The following CCDC81 variants were observed in gnomAD, a reference collection of about 807,000 sequenced individuals.
CCDC81 encodes coiled-coil domain-containing protein 81.
In CCDC81, 79 loss-of-function variants were observed where a neutral mutation model predicts 83.7. The ratio of observed to expected loss-of-function variants is 0.94; its 90% CI spans 0.79 to 1.14. The LOEUF is 1.14. Ranked by LOEUF, CCDC81 falls within the 50% of genes most tolerant of loss-of-function variation. The probability of loss-of-function intolerance (pLI) is 0.00; values close to 1 mark genes in which losing one functional copy is unlikely to be tolerated. For missense variants in CCDC81, 791 were observed against 778.1 expected, an observed-to-expected ratio of 1.02 and a Z score of -0.20; for synonymous variants, 252 against 278.1, an observed-to-expected ratio of 0.91 and a Z score of 0.93.
chr11:86,406,005 C>T (rs1451686251), intron 7 of CCDC81, among the ~76,000 whole-genome samples: 1 of 152,156 alleles, frequency 6.6e-6, no homozygotes, highest in Non-Finnish European at 1.5e-5. Flanking sequence ...TCAAGTTATC[C>T]ACCTGCCTCG....
chr11:86,397,958 TCCTGCCTCAG>T (rs1258045203), intron 6 of CCDC81, among the ~76,000 whole-genome samples: 2 of 152,138 alleles, frequency 1.3e-5, no homozygotes, highest in Admixed American at 1.3e-4. Context: ...CAAGCGACTC[TCCTGCCTCAG>T]CCTCCCGAGC....
Position 86,422,639 on chromosome 11 carries a change from G to T in CCDC81, c.1883G>T (p.Arg628Met). The T allele has an allele frequency of 1.2e-6, 2 of 1,614,112 alleles. No individual in the cohort carries two copies. Among genetic ancestry groups the T allele is most frequent in the South Asian group, 2.2e-5 (2 of 91,076 alleles). ...EKYRRCKQCQRRTSNVGESNL... is the reference protein window; with the variant it reads ...EKYRRCKQCQMRTSNVGESNL... ...TATCGGCGCTGCAAGCAATGCCAGA[G>T]GCGCACCTCCAACGTGGGCGAGAGC... Residue 628 changes from arginine to methionine, a missense_variant, in exon 15 of 15, where the codon AGG (arginine) becomes ATG (methionine). Coordinates refer to ENST00000445632, the MANE Select transcript of CCDC81 (RefSeq NM_001156474.2).
rs763575177 is a variant in CCDC81 at position 86,408,224 on chromosome 11, A to G, written c.1067A>G (p.Gln356Arg). 2 of 1,614,036 alleles carry G rather than the reference A, an allele frequency of 1.2e-6. No individual in the cohort carries two copies. The highest frequency in any genetic ancestry group is 1.7e-6 in the Non-Finnish European group (2 of 1,179,886). Residue 356 changes from glutamine (Q) to arginine (R), a missense_variant, in exon 9 of 15, where the codon CAG becomes CGG. Transcript: ENST00000445632. ...GAGATAGAAGATGAGAGACTCATAC[A>G]GCAGTATCAGATGTTAAAGGATCAG... ...RREIEDERLI[Q>R]QYQMLKDQEA...
chr11:86,407,625 C>T lies in CCDC81; in HGVS notation c.893C>T (p.Pro298Leu), dbSNP rs768559155. The T allele has an allele frequency of 6.2e-7, 1 of 1,611,722 alleles. No individual in the cohort carries two copies. Among genetic ancestry groups the T allele is most frequent in the Non-Finnish European group, 8.5e-7 (1 of 1,178,252 alleles). ...KIMTPESLSY[P>L]SCLKHDSEMK... ...CATTGTTTTTATAGCTTATCATATC[C>T]AAGTTGTCTGAAACACGACAGTGAG... Residue 298 changes from proline to leucine, a missense_variant, in exon 8 of 15, where the codon CCA (proline) becomes CTA (leucine). By Grantham distance (98) the Pro-to-Leu change is moderately conservative. Coordinates refer to ENST00000445632, the MANE Select transcript of CCDC81 (RefSeq NM_001156474.2).
chr11:86,390,443 A>G (rs2138507091), intron 3 of CCDC81, among the ~76,000 whole-genome samples: 1 of 152,312 alleles, frequency 6.6e-6, no homozygotes, highest in African/African-American at 2.4e-5. Context: ...GGGGCCTTAT[A>G]TGGTGTGATC....
chr11:86,392,693 A>G lies in CCDC81; in HGVS notation c.451A>G (p.Ile151Val). 6.4e-7 allele frequency: 1 copy of G among 1,551,680 alleles called. No individual in the cohort carries two copies. The highest frequency in any genetic ancestry group is 1.2e-5 in the South Asian group (1 of 84,064). The change falls in exon 4 of 15, where the codon ATT becomes GTT. Residue 151 changes from isoleucine (I) to valine (V), a missense_variant. Physicochemically the swap from Ile to Val is conservative, Grantham distance 29. Coordinates refer to ENST00000445632, the MANE Select transcript of CCDC81 (RefSeq NM_001156474.2). ...AAATGTGGAGTTTACATTCAAAGGAATTGGGGTCCTCATGATCAGAGACAG... is the reference window on the plus strand; with the variant it reads ...AAATGTGGAGTTTACATTCAAAGGAGTTGGGGTCCTCATGATCAGAGACAG... ...KQNVEFTFKG[I>V]GVLMIRDSKV...
chr11:86,377,678 G>T (rs1948116166), intron 1 of CCDC81, among the ~76,000 whole-genome samples: 1 of 152,060 alleles, frequency 6.6e-6, no homozygotes. Context: ...TATTTTGCAT[G>T]ACAGTGTCTT....
chr11:86,404,687 T>C (rs1948540918), intron 7 of CCDC81, among the ~76,000 whole-genome samples: 1 of 152,180 alleles, frequency 6.6e-6, no homozygotes, highest in Admixed American at 6.6e-5. Context: ...GTTTAAAATC[T>C]TTACATAAAT....
At chr11:86,421,410 T>C (rs1948788186) in intron 14 of CCDC81, among the ~76,000 whole-genome samples, 2 of 152,060 alleles carry the variant, frequency 1.3e-5, no homozygotes, top group African/African-American at 4.8e-5. Flanking sequence ...CCTGGGTTCA[T>C]GCCATTCTCC....
At chr11:86,404,423 A>C (rs1274437262) in intron 7 of CCDC81, among the ~76,000 whole-genome samples, 1 of 152,172 alleles carries the variant, frequency 6.6e-6, no homozygotes, top group Non-Finnish European at 1.5e-5. Context: ...CTCAAAGCCT[A>C]AAACATTCAC....
chr11:86,398,737 T>G (rs150134874), intron 6 of CCDC81, among the ~76,000 whole-genome samples: 1 of 152,158 alleles, frequency 6.6e-6, no homozygotes, highest in Admixed American at 6.5e-5. Flanking sequence ...CACGCCCAGC[T>G]AATTTTTGTA....
chr11:86,422,424 G>C (rs549470986), intron 14 of CCDC81, 150 bp from the exon 15 acceptor site: 4 of 629,922 alleles, frequency 6.3e-6, no homozygotes, highest in Non-Finnish European at 1.1e-5. Context: ...CTGGAAGCAG[G>C]GGATGCCAGG....
chr11:86,375,052 A>G lies in CCDC81; in HGVS notation c.-112A>G, dbSNP rs1430219556. ...TCACTCTTATTTTTAAGGCACATCC[A>G]AAGCTCCGTGGAGAAGGGGCTGGAG... On this transcript the variant is annotated 5_prime_UTR_variant, in exon 1 of 15. Transcript: ENST00000445632. 4 of 922,594 alleles carry G rather than the reference A, an allele frequency of 4.3e-6. No individual in the cohort carries two copies. Among genetic ancestry groups the G allele is most frequent in the Non-Finnish European group, 7.2e-6 (4 of 555,886 alleles). 57.2% of individuals were successfully genotyped at this position (922,594 alleles called of 1,614,324 possible).
intron 3 of CCDC81, among the ~76,000 whole-genome samples, chr11:86,387,881 G>A (rs529228688): frequency 4.0e-4 from 61 of 152,246 alleles, no homozygotes; most frequent in Non-Finnish European, 7.1e-4. Context: ...AACCTAAGAG[G>A]AAGGAGTGAA....
chr11:86,382,578 A>C (rs1021911354), intron 1 of CCDC81, among the ~76,000 whole-genome samples: 4 of 152,194 alleles, frequency 2.6e-5, no homozygotes, highest in Admixed American at 1.3e-4. Context: ...AGGCAGTTGG[A>C]TAAACGGGTC....
rs373106489 is a variant in CCDC81 at position 86,397,610 on chromosome 11, C to T, written c.636-11C>T. On this transcript the variant is annotated splice_polypyrimidine_tract_variant and intron_variant, in intron 5 of 14. Coordinates refer to ENST00000445632, the MANE Select transcript of CCDC81 (RefSeq NM_001156474.2). ...TCAGTGCAGCAGAAAAACATATTGGCTCATTCCTAGGATTGAGCTCAAGGA... is the reference window on the plus strand; with the variant it reads ...TCAGTGCAGCAGAAAAACATATTGGTTCATTCCTAGGATTGAGCTCAAGGA... 6.2e-7 allele frequency: 1 copy of T among 1,607,106 alleles called. No homozygotes were observed. The highest frequency in any genetic ancestry group is 8.5e-7 in the Non-Finnish European group (1 of 1,177,544).
intron 4 of CCDC81, 107 bp from the exon 5 acceptor site, chr11:86,395,227 A>C: frequency 1.3e-6 from 1 of 786,034 alleles, no homozygotes; most frequent in Non-Finnish European, 2.1e-6. Flanking sequence ...CATAAACAAC[A>C]ACAAGAAAAG....
chr11:86,385,302 T>C (rs1353259616), intron 1 of CCDC81, among the ~76,000 whole-genome samples: 1 of 152,128 alleles, frequency 6.6e-6, no homozygotes, highest in African/African-American at 2.4e-5. Flanking sequence ...GGAGACTCGT[T>C]TGAACCCGGG....
intron 13 of CCDC81, among the ~76,000 whole-genome samples, chr11:86,416,572 G>C (rs977784661): frequency 1.3e-5 from 2 of 152,086 alleles, no homozygotes; most frequent in Admixed American, 1.3e-4. Context: ...GAGAAAGAAG[G>C]ATAATCACAT....
Sources: allele counts gnomAD v4.1 joint callset (sites outside exome capture counted in the v4.1 genomes callset), GRCh38; gene constraint gnomAD v4.1.1; transcripts MANE v1.5; gene names NCBI Gene and HGNC (gene_info 2026-07-23, HGNC 2026-07-21).